Variants in SAE1 observed in about 807,000 individuals in gnomAD.
SAE1 encodes the protein SUMO1 activating enzyme subunit 1, also known as SUMO-activating enzyme subunit 1.
In SAE1, 11 loss-of-function variants were observed where a neutral mutation model predicts 40.6. The ratio of observed to expected loss-of-function variants is 0.27; its 90% CI spans 0.17 to 0.45. The LOEUF (loss-of-function observed/expected upper bound fraction) is 0.45, where lower values mean the gene tolerates loss of function less well. Among genes scored for constraint, SAE1 ranks in the 20% least tolerant of loss-of-function variants. The probability of loss-of-function intolerance (pLI) is 1.00; values close to 1 mark genes in which losing one functional copy is unlikely to be tolerated. For synonymous variants in SAE1, 155 were observed against 154.3 expected, an observed-to-expected ratio of 1.00 and a Z score of -0.03; for missense variants, 373 against 427.3, an observed-to-expected ratio of 0.87 and a Z score of 1.12.
chr19:47,156,148 T>A (rs915216849), intron 5 of SAE1, among the ~76,000 whole-genome samples: 2 of 151,740 alleles, frequency 1.3e-5, no homozygotes, highest in African/African-American at 4.8e-5. Flanking sequence ...GGTGAGCACC[T>A]GTAGGCCCAG....
At chr19:47,199,412 A>T (rs532859134) in intron 7 of SAE1, among the ~76,000 whole-genome samples, 11 of 151,308 alleles carry the variant, frequency 7.3e-5, no homozygotes, top group African/African-American at 2.7e-4. Flanking sequence ...AAAAAAAAAA[A>T]AGGCAGCAAT....
In SAE1 at chr19:47,143,030, G is replaced by A. The variant is rs1265783628; in HGVS notation, c.99-464G>A. The stretch of plus-strand genomic sequence containing the variant: ...TCAATAAATATTTGTTGAATGAATT[G>A]TTTTGTGCAGTATGGATTAGAGCCT... On this transcript the variant is annotated intron_variant, in intron 1 of 8. Coordinates refer to ENST00000270225, the MANE Select transcript of SAE1 (RefSeq NM_005500.3). 3.9e-5 allele frequency among the ~76,000 whole-genome samples: 6 copies of A among 152,234 alleles called. No individual in the cohort carries two copies. The East Asian group carries it at 1.2e-3, about 29-fold the overall frequency.
rs1291573301 is a variant in SAE1 at position 47,203,790 on chromosome 19, G to A, written c.948+50G>A. The A allele has an allele frequency of 6.1e-6, 9 of 1,483,388 alleles. No homozygotes were observed. The Admixed American group carries it at 6.7e-5, about 11-fold the overall frequency. The allele number at this position is 1,483,388 out of a possible 1,614,324, so 91.9% of individuals were successfully genotyped here. A position where few individuals can be genotyped will look rare whatever the true frequency, so the allele number is the denominator to read the frequency against. On this transcript the variant is annotated intron_variant, in intron 8 of 8. Transcript: ENST00000270225. Reference sequence around the variant, plus strand: ...AATTGTTAACCATGACTTTGTATATGTGCTGACAGAGAGAATGGAAACTGT... The same window carrying A: ...AATTGTTAACCATGACTTTGTATATATGCTGACAGAGAGAATGGAAACTGT...
At chr19:47,208,603 T>G (rs184678626) in intron 8 of SAE1, among the ~76,000 whole-genome samples, 5 of 152,278 alleles carry the variant, frequency 3.3e-5, no homozygotes, top group Admixed American at 6.5e-5. Context: ...TTTCTGTATT[T>G]TTAGTAGAGA....
At chr19:47,183,707 T>C (rs2058525458) in intron 6 of SAE1, among the ~76,000 whole-genome samples, 1 of 152,240 alleles carries the variant, frequency 6.6e-6, no homozygotes, top group African/African-American at 2.4e-5. Context: ...GCTGCAATTC[T>C]TGTTTAAAGC....
chr19:47,199,685 C>G (rs539926972), intron 7 of SAE1, among the ~76,000 whole-genome samples: 20 of 152,246 alleles, frequency 1.3e-4, no homozygotes, highest in Admixed American at 2.6e-4. Context: ...CAGTGGCTGC[C>G]GCTTGCCACT....
intron 5 of SAE1, 21 bp from the exon 6 acceptor site, chr19:47,169,797 A>C (rs62135082): frequency 2.5e-4 from 372 of 1,509,568 alleles, no homozygotes; most frequent in Non-Finnish European, 3.1e-4. Context: ...ATTCCTAAGC[A>C]GTTCTGCCTT....
intron 6 of SAE1, among the ~76,000 whole-genome samples, chr19:47,190,107 A>G (rs975169645): frequency 1.3e-5 from 2 of 152,222 alleles, no homozygotes; most frequent in African/African-American, 2.4e-5. Context: ...ACACTAGTCC[A>G]TCATCTCCAG....
rs2058667888 is a variant in SAE1 at position 47,203,687 on chromosome 19, A to G, written c.895A>G (p.Met299Val). 2 of 1,613,968 alleles carry G rather than the reference A, an allele frequency of 1.2e-6. No individual in the cohort carries two copies. Among genetic ancestry groups the G allele is most frequent in the African/African-American group, 2.7e-5 (2 of 74,982 alleles). The change falls in exon 8 of 9, where the codon ATG (methionine) becomes GTG (valine). Residue 299 changes from methionine (M) to valine (V), a missense_variant. Around this residue, in one of 3 missense-constraint regions of SAE1, gnomAD observed 351 missense variants for 390.6 expected, o/e 0.90. Transcript: ENST00000270225. ...EDFVRYCFSE[M>V]APVCAVVGGI... The stretch of plus-strand genomic sequence containing the variant: ...CTCTTTTAGGTACTGCTTCTCCGAG[A>G]TGGCCCCAGTGTGTGCGGTGGTTGG...
At chr19:47,158,318 C>T (rs1450701322) in intron 5 of SAE1, among the ~76,000 whole-genome samples, 1 of 152,186 alleles carries the variant, frequency 6.6e-6, no homozygotes, top group Non-Finnish European at 1.5e-5. Context: ...CTGTGCCATT[C>T]TGATAAATAA....
At chr19:47,174,728 A>G (rs977622015) in intron 6 of SAE1, among the ~76,000 whole-genome samples, 1 of 151,854 alleles carries the variant, frequency 6.6e-6, no homozygotes, top group Non-Finnish European at 1.5e-5. Flanking sequence ...GCCCGCCACC[A>G]TGCCCGGCTA....
chr19:47,206,372 G>A (rs778537216), intron 8 of SAE1, among the ~76,000 whole-genome samples: 3 of 152,236 alleles, frequency 2.0e-5, no homozygotes, highest in Non-Finnish European at 4.4e-5. Flanking sequence ...GGGGCCTGCA[G>A]TCCAAGGGCC....
At chr19:47,192,543 G>A (rs186524929) in intron 6 of SAE1, among the ~76,000 whole-genome samples, 7 of 151,626 alleles carry the variant, frequency 4.6e-5, no homozygotes, top group Non-Finnish European at 7.4e-5. Context: ...CACCATGCCC[G>A]GCTACTTAAT....
At chr19:47,187,993 A>G (rs2058554489) in intron 6 of SAE1, among the ~76,000 whole-genome samples, 2 of 152,160 alleles carry the variant, frequency 1.3e-5, no homozygotes, top group Admixed American at 1.3e-4. Flanking sequence ...CACAGAGCAT[A>G]AAAATCTAAT....
chr19:47,195,241 G>T (rs953788317), intron 6 of SAE1, among the ~76,000 whole-genome samples: 1 of 151,986 alleles, frequency 6.6e-6, no homozygotes, highest in Non-Finnish European at 1.5e-5. Flanking sequence ...TTTTAGTAGA[G>T]ACCGGGTTTC....
At chr19:47,204,688 G>A (rs1600220772) in intron 8 of SAE1, among the ~76,000 whole-genome samples, 1 of 151,638 alleles carries the variant, frequency 6.6e-6, no homozygotes, top group East Asian at 1.9e-4. Context: ...TGTATTTTTA[G>A]TAGTTCACCA....
At chr19:47,191,516 T>C (rs2123297973) in intron 6 of SAE1, among the ~76,000 whole-genome samples, 1 of 152,282 alleles carries the variant, frequency 6.6e-6, no homozygotes, top group Non-Finnish European at 1.5e-5. Flanking sequence ...GGCAAAGCTG[T>C]GCATGGGCTG....
chr19:47,177,924 G>A (rs2058480367), intron 6 of SAE1, among the ~76,000 whole-genome samples: 1 of 152,098 alleles, frequency 6.6e-6, no homozygotes, highest in Non-Finnish European at 1.5e-5. Flanking sequence ...GGAGAGAGCA[G>A]GCTAGTGGTT....
At position 47,192,865 on chromosome 19, in the gene SAE1, G is replaced by T. The variant is rs368455283; in HGVS notation, c.734-4368G>T. Among the ~76,000 whole-genome samples, 17 of 152,042 alleles carry T rather than the reference G, an allele frequency of 1.1e-4. No homozygotes were observed. The South Asian group carries it at 3.3e-3, about 30-fold the overall frequency. On this transcript the variant is annotated intron_variant, in intron 6 of 8. Coordinates refer to ENST00000270225, the MANE Select transcript of SAE1 (RefSeq NM_005500.3). ...TCCTTTATTTTATGGGACATTTTTTGAAAAGAGGCTTGGTCCAAACAGGCA... is the reference window on the plus strand; with the variant it reads ...TCCTTTATTTTATGGGACATTTTTTTAAAAGAGGCTTGGTCCAAACAGGCA...
Sources: allele counts gnomAD v4.1 joint callset (sites outside exome capture counted in the v4.1 genomes callset), GRCh38; gene constraint gnomAD v4.1.1; regional missense constraint gnomAD v4.1.1; transcripts MANE v1.5; gene names NCBI Gene and HGNC (gene_info 2026-07-23, HGNC 2026-07-21).